The following GNAQ variants were observed in gnomAD, a reference collection of about 807,000 sequenced individuals.
GNAQ encodes the protein guanine nucleotide-binding protein G(q) subunit alpha.
GNAQ carries 8 observed loss-of-function variants against 43.9 expected under a neutral mutation model. That is an observed-to-expected ratio of 0.18 (90% CI 0.11 to 0.33). The LOEUF is 0.33. GNAQ is among the 10% of genes least tolerant of loss of function. The probability of loss-of-function intolerance (pLI) is 1.00; values close to 1 mark genes in which losing one functional copy is unlikely to be tolerated. For missense variants in GNAQ, 158 were observed against 450.8 expected, an observed-to-expected ratio of 0.35 and a Z score of 5.88; for synonymous variants, 155 against 170.7, an observed-to-expected ratio of 0.91 and a Z score of 0.71.
chr9:77,865,074 C>T (rs1019279548), intron 2 of GNAQ, among the ~76,000 whole-genome samples: 5 of 152,158 alleles, frequency 3.3e-5, no homozygotes, highest in South Asian at 4.1e-4. Context: ...AAGCTGCAAA[C>T]GGAGTCAAAT....
intron 5 of GNAQ, among the ~76,000 whole-genome samples, chr9:77,772,821 C>T (rs552312394): frequency 6.6e-6 from 1 of 152,302 alleles, no homozygotes; most frequent in Non-Finnish European, 1.5e-5. Context: ...TGTCCAATCT[C>T]TTGACTTCCC....
chr9:77,991,669 C>T (rs1823509582), intron 1 of GNAQ, among the ~76,000 whole-genome samples: 1 of 151,976 alleles, frequency 6.6e-6, no homozygotes, highest in Non-Finnish European at 1.5e-5. Context: ...CACCCATCAC[C>T]CAAGCAGTGT....
intron 1 of GNAQ, among the ~76,000 whole-genome samples, chr9:78,022,086 C>A (rs1372808577): frequency 6.6e-6 from 1 of 152,174 alleles, no homozygotes; most frequent in Non-Finnish European, 1.5e-5. Flanking sequence ...TTCACAGGCC[C>A]CCCTCAAAGT....
intron 1 of GNAQ, among the ~76,000 whole-genome samples, chr9:78,023,847 C>T (rs1178723377): frequency 6.7e-6 from 1 of 149,290 alleles, no homozygotes; most frequent in Non-Finnish European, 1.5e-5. Context: ...TCACTGTTCG[C>T]TTCCGGTAAC....
chr9:77,812,879 T>C (rs1826949890), intron 3 of GNAQ, among the ~76,000 whole-genome samples: 1 of 151,738 alleles, frequency 6.6e-6, no homozygotes, highest in Non-Finnish European at 1.5e-5. Flanking sequence ...TATATATACA[T>C]ATATATAAGA....
At chr9:77,814,446 A>G (rs1826980079) in intron 3 of GNAQ, among the ~76,000 whole-genome samples, 1 of 152,186 alleles carries the variant, frequency 6.6e-6, no homozygotes, top group South Asian at 2.1e-4. Context: ...AATATTAAAT[A>G]CTACAAAAAT....
At chr9:77,748,469 T>C (rs1293082808) in intron 5 of GNAQ, among the ~76,000 whole-genome samples, 1 of 152,246 alleles carries the variant, frequency 6.6e-6, no homozygotes, top group East Asian at 1.9e-4. Context: ...TGAAGCTTTG[T>C]AGAGCTTGAT....
chr9:78,005,299 C>A (rs1277027705), intron 1 of GNAQ, among the ~76,000 whole-genome samples: 1 of 152,298 alleles, frequency 6.6e-6, no homozygotes, highest in East Asian at 1.9e-4. Flanking sequence ...CCCGCCTTGG[C>A]CTCCCAAAGT....
intron 1 of GNAQ, among the ~76,000 whole-genome samples, chr9:77,927,861 G>C (rs966119035): frequency 6.6e-6 from 1 of 151,980 alleles, no homozygotes; most frequent in Non-Finnish European, 1.5e-5. Flanking sequence ...TCTCTTAATT[G>C]GTCAGCACCC....
chr9:77,914,119 A>G (rs1372067759), intron 2 of GNAQ, among the ~76,000 whole-genome samples: 3 of 152,188 alleles, frequency 2.0e-5, no homozygotes, highest in Non-Finnish European at 2.9e-5. Flanking sequence ...ATGGGTATAA[A>G]ATGAATAAAG....
intron 1 of GNAQ, among the ~76,000 whole-genome samples, chr9:77,929,700 T>TG (rs1160684654): frequency 6.6e-6 from 1 of 151,884 alleles, no homozygotes; most frequent in Non-Finnish European, 1.5e-5. Context: ...CCCGGTGTGG[T>TG]GATGTGCGCC....
intron 1 of GNAQ, among the ~76,000 whole-genome samples, chr9:77,979,668 C>T (rs1237267271): frequency 6.6e-6 from 1 of 152,144 alleles, no homozygotes; most frequent in African/African-American, 2.4e-5. Context: ...TAAAAAATAG[C>T]CCCTTCTTTG....
chr9:77,721,498 G>A lies in GNAQ; in HGVS notation c.905C>T (p.Ala302Val). Residue 302 changes from alanine to valine, a missense_variant, in exon 7 of 7, where the codon GCC (alanine) becomes GTC (valine). Around this residue, in one of 9 missense-constraint regions of GNAQ, gnomAD observed 56 missense variants for 172.2 expected, o/e 0.33. Coordinates refer to ENST00000286548, the MANE Select transcript of GNAQ (RefSeq NM_002072.5). ...FPEYDGPQRD[A>V]QAAREFILKM... ...CAGAATGAATTCTCGGGCTGCCTGGGCATCTCTCTGGGGTCCTTTCGGCCA... is the reference window on the plus strand; with the variant it reads ...CAGAATGAATTCTCGGGCTGCCTGGACATCTCTCTGGGGTCCTTTCGGCCA... The A allele has an allele frequency of 6.2e-7, 1 of 1,609,588 alleles. No homozygotes were observed. The highest frequency in any genetic ancestry group is 8.5e-7 in the Non-Finnish European group (1 of 1,176,668).
At chr9:77,761,265 G>C (rs1172767931) in intron 5 of GNAQ, among the ~76,000 whole-genome samples, 1 of 138,052 alleles carries the variant, frequency 7.2e-6, no homozygotes. Flanking sequence ...CCCTGTCCGG[G>C]AGGGAGGTGG....
intron 2 of GNAQ, among the ~76,000 whole-genome samples, chr9:77,864,498 A>G (rs138169365): frequency 1.4e-3 from 220 of 152,306 alleles, no homozygotes; most frequent in African/African-American, 5.1e-3. Flanking sequence ...AAGTGTCCTT[A>G]AAGTTGAAGG....
Position 77,881,191 on chromosome 9 carries a change from CCGCACCCCCCCCAAAA to C in GNAQ, c.321+40954_321+40969del, listed in dbSNP as rs1248696997. Among the ~76,000 whole-genome samples, 4 of 152,222 alleles carry C rather than the reference CCGCACCCCCCCCAAAA, an allele frequency of 2.6e-5. No homozygotes were observed. In the East Asian group the frequency reaches 7.8e-4, roughly 30 times the overall value. On this transcript the variant is annotated intron_variant, in intron 2 of 6. Transcript: ENST00000286548. The stretch of plus-strand genomic sequence containing the variant: ...AATTATGTTTACCATTTATTTTATG[CCGCACCCCCCCCAAAA>C]CGGGCAATATATTCACACCTACACA...
intron 2 of GNAQ, among the ~76,000 whole-genome samples, chr9:77,907,817 G>A (rs4367623): frequency 0.59 from 89,170 of 151,974 alleles, 27,725 homozygotes; most frequent in South Asian, 0.7. Context: ...CTGGGGACAC[G>A]GCAGTAACTT....
intron 2 of GNAQ, among the ~76,000 whole-genome samples, chr9:77,906,489 T>C (rs992549331): frequency 1.3e-5 from 2 of 152,196 alleles, no homozygotes; most frequent in African/African-American, 2.4e-5. Context: ...ATTCCATTGC[T>C]AGCAGTTTAT....
At chr9:78,014,555 G>A (rs1039375834) in intron 1 of GNAQ, among the ~76,000 whole-genome samples, 2 of 152,030 alleles carry the variant, frequency 1.3e-5, no homozygotes, top group Non-Finnish European at 2.9e-5. Flanking sequence ...GCTGTGAGCC[G>A]AGATAGCGCC....
Sources: gnomAD v4.1 joint callset for allele counts (sites outside exome capture counted in the v4.1 genomes callset) on GRCh38, gnomAD v4.1.1 for gene constraint, gnomAD v4.1.1 regional missense constraint, MANE v1.5 for transcripts, NCBI Gene and HGNC (gene_info 2026-07-23, HGNC 2026-07-21) for gene names.